The following SOX6 variants were observed in gnomAD, a reference collection of about 807,000 sequenced individuals.
SOX6 encodes the protein SRY-box transcription factor 6, also known as transcription factor SOX-6.
SOX6 carries 11 observed loss-of-function variants against 97.8 expected under a neutral mutation model. That is an observed-to-expected ratio of 0.11 (90% CI 0.07 to 0.19). The LOEUF is 0.19. SOX6 is among the 10% of genes least tolerant of loss of function. The pLI is 1.00. For missense variants in SOX6, 810 were observed against 1,039.5 expected (o/e 0.78, Z 3.04); for synonymous variants, 360 against 371.4 (o/e 0.97, Z 0.35).
At chr11:16,344,776 C>T (rs1476015267) in intron 1 of SOX6, among the ~76,000 whole-genome samples, 2 of 151,636 alleles carry the variant, frequency 1.3e-5, no homozygotes, top group African/African-American at 4.8e-5. Context: ...TTTATTTTTG[C>T]ACTATTATAA....
intron 11 of SOX6, 133 bp from the exon 12 acceptor site, chr11:16,046,834 A>G (rs2133908629): frequency 1.1e-6 from 1 of 893,272 alleles, no homozygotes; most frequent in Non-Finnish European, 1.7e-6. Context: ...TTTTTAAACT[A>G]TACGCTAATA....
chr11:16,165,166 T>C (rs1193400116), intron 6 of SOX6, among the ~76,000 whole-genome samples: 1 of 152,178 alleles, frequency 6.6e-6, no homozygotes. Context: ...CCATAAATAC[T>C]ACCATCGCAT....
At chr11:16,498,736 A>T (rs1565163668) in intron 4 of SOX6, among the ~76,000 whole-genome samples, 1 of 152,236 alleles carries the variant, frequency 6.6e-6, no homozygotes, top group Non-Finnish European at 1.5e-5. Context: ...TGGTAAAAGG[A>T]TCAATTCAAC....
chr11:16,429,486 A>G (rs529776167), intron 1 of SOX6, among the ~76,000 whole-genome samples: 1 of 152,350 alleles, frequency 6.6e-6, no homozygotes, highest in East Asian at 1.9e-4. Context: ...ATGGAATACT[A>G]TGCAGACATT....
rs775803888 is a variant in SOX6 at position 16,341,068 on chromosome 11, T to C, written c.181A>G (p.Ser61Gly). ...PHSEELPTLV[S>G]TIQQDADWDS... ...CAGTCAGCATCTTGTTGAATGGTAC[T>C]GACAAGTGTTGGTAGCTCCTCAGAG... Residue 61 changes from serine to glycine, a missense_variant, in exon 2 of 16, where the codon AGT becomes GGT. Around this residue, in one of 9 missense-constraint regions of SOX6, gnomAD observed 100 missense variants for 94.6 expected, o/e 1.06. Transcript: ENST00000683767. 3.7e-6 allele frequency: 6 copies of C among 1,613,514 alleles called. No individual in the cohort carries two copies. Among genetic ancestry groups the C allele is most frequent in the South Asian group, 2.2e-5 (2 of 91,072 alleles).
intron 4 of SOX6, among the ~76,000 whole-genome samples, chr11:16,562,722 T>C (rs770131925): frequency 3.7e-4 from 57 of 152,142 alleles, no homozygotes; most frequent in East Asian, 1.9e-4. Context: ...ACCCTCCCAC[T>C]TCTCCCGCAG....
intron 4 of SOX6, among the ~76,000 whole-genome samples, chr11:16,496,515 C>T (rs1178649836): frequency 6.6e-6 from 1 of 152,186 alleles, no homozygotes; most frequent in Non-Finnish European, 1.5e-5. Context: ...CAAAGCAGGG[C>T]AAGGCATCGC....
At chr11:16,065,943 C>G (rs998570344) in intron 9 of SOX6, among the ~76,000 whole-genome samples, 1 of 151,982 alleles carries the variant, frequency 6.6e-6, no homozygotes, top group African/African-American at 2.4e-5. Context: ...ATCTTCTGCA[C>G]AGCAAAGGAA....
At chr11:16,521,793 T>G (rs941989214) in intron 4 of SOX6, among the ~76,000 whole-genome samples, 4 of 152,242 alleles carry the variant, frequency 2.6e-5, no homozygotes, top group African/African-American at 9.6e-5. Flanking sequence ...AAGGAGCTGA[T>G]GGAGCTGAAA....
chr11:16,097,993 A>G (rs1848844414), intron 7 of SOX6, among the ~76,000 whole-genome samples: 1 of 151,878 alleles, frequency 6.6e-6, no homozygotes, highest in Admixed American at 6.6e-5. Context: ...GTAAAAAAAT[A>G]TCTTTAAGCC....
intron 3 of SOX6, among the ~76,000 whole-genome samples, chr11:16,259,910 T>G (rs527318962): frequency 6.6e-6 from 1 of 151,910 alleles, no homozygotes; most frequent in East Asian, 1.9e-4. Flanking sequence ...ATTGCATATT[T>G]TACCACACGC....
chr11:15,980,652 A>C (rs1554910655), intron 15 of SOX6, among the ~76,000 whole-genome samples: 1 of 151,820 alleles, frequency 6.6e-6, no homozygotes, highest in Non-Finnish European at 1.5e-5. Flanking sequence ...ATATATCCAC[A>C]TTTTCCCCCA....
At chr11:16,326,062 C>T (rs1382586036) in intron 2 of SOX6, among the ~76,000 whole-genome samples, 1 of 152,134 alleles carries the variant, frequency 6.6e-6, no homozygotes, top group African/African-American at 2.4e-5. Flanking sequence ...TTATAAATTA[C>T]CCAGTGTATG....
At position 16,443,764 on chromosome 11, in the gene SOX6, T is replaced by C. The variant is rs193231999; in HGVS notation, c.-5+32551A>G. ...GCACGGTGGATCATGCCTGTAATCC[T>C]AACACTTTGGAAGGCCGAGGCAGGC... On this transcript the variant is annotated intron_variant, in intron 1 of 15. Transcript: ENST00000396356. 4.6e-3 allele frequency among the ~76,000 whole-genome samples: 697 copies of C among 152,070 alleles called. 5 individuals are homozygous for C. The highest frequency in any genetic ancestry group is 0.016 in the African/African-American group (673 of 41,492).
At chr11:16,190,806 G>A (rs1218189403) in intron 4 of SOX6, among the ~76,000 whole-genome samples, 2 of 152,108 alleles carry the variant, frequency 1.3e-5, no homozygotes, top group Admixed American at 1.3e-4. Context: ...GTGGGAGGGG[G>A]ATGCATTTTT....
At chr11:16,268,526 T>A (rs1309809938) in intron 3 of SOX6, among the ~76,000 whole-genome samples, 1 of 151,216 alleles carries the variant, frequency 6.6e-6, no homozygotes, top group Non-Finnish European at 1.5e-5. Context: ...ACGGTCATTC[T>A]AATTGTTTAT....
intron 2 of SOX6, among the ~76,000 whole-genome samples, chr11:16,724,096 C>T (rs1392998): frequency 0.33 from 49,829 of 152,098 alleles, 9,259 homozygotes; most frequent in Non-Finnish European, 0.42. Flanking sequence ...AATTGATACA[C>T]ACAAGCACAT....
chr11:16,545,915 G>C (rs557831459), intron 4 of SOX6, among the ~76,000 whole-genome samples: 3 of 152,088 alleles, frequency 2.0e-5, no homozygotes, highest in Non-Finnish European at 4.4e-5. Context: ...TCATGCCATC[G>C]CACTCCAGCT....
chr11:16,323,706 T>C (rs1855990484), intron 2 of SOX6, among the ~76,000 whole-genome samples: 1 of 152,118 alleles, frequency 6.6e-6, no homozygotes, highest in Non-Finnish European at 1.5e-5. Context: ...TAATTTAGCA[T>C]TTAATAATAT....
Sources: allele counts gnomAD v4.1 joint callset (sites outside exome capture counted in the v4.1 genomes callset), GRCh38; gene constraint gnomAD v4.1.1; regional missense constraint gnomAD v4.1.1; transcripts MANE v1.5; gene names NCBI Gene and HGNC (gene_info 2026-07-23, HGNC 2026-07-21).